The following ALPK1 variants were observed in gnomAD, a reference collection of about 807,000 sequenced individuals.
The protein encoded by ALPK1 is alpha kinase 1.
In ALPK1, 110 loss-of-function variants were observed where a neutral mutation model predicts 120.6. That is an observed-to-expected ratio of 0.91 (90% CI 0.78 to 1.07). The LOEUF (loss-of-function observed/expected upper bound fraction) is 1.07. Ranked by LOEUF, ALPK1 falls within the 50% of genes least tolerant of loss-of-function variation. The probability of loss-of-function intolerance (pLI) is 0.00; values close to 1 mark genes in which losing one functional copy is unlikely to be tolerated. For missense variants in ALPK1, 1,498 were observed against 1,483.9 expected, an observed-to-expected ratio of 1.01 and a Z score of -0.16; for synonymous variants, 582 against 560.3, an observed-to-expected ratio of 1.04 and a Z score of -0.55.
rs1235735721 is a variant in ALPK1 at position 112,381,581 on chromosome 4, T to G, written c.122-817T>G. ...AGTGTTAGGAGGGTCTTCTGGTGCA[T>G]GTACTGTACATCACATTCATGCTTC... On this transcript the variant is annotated intron_variant, in intron 3 of 15. Coordinates refer to ENST00000650871, the MANE Select transcript of ALPK1 (RefSeq NM_025144.4). Among the ~76,000 whole-genome samples, 31 of 152,244 alleles carry G rather than the reference T, an allele frequency of 2.0e-4. 1 individual carries two copies. Among genetic ancestry groups the G allele is most frequent in the Admixed American group, 2.0e-3 (31 of 15,284 alleles).
rs139982282 is a variant in ALPK1 at position 112,327,121 on chromosome 4, G to T, written c.-101+11269G>T. Among the ~76,000 whole-genome samples the T allele has an allele frequency of 2.7e-3, 417 of 152,326 alleles. 15 individuals are homozygous for T. The highest frequency in any genetic ancestry group is 0.025 in the Admixed American group (381 of 15,308). On this transcript the variant is annotated intron_variant, in intron 2 of 15. Coordinates refer to ENST00000650871, the MANE Select transcript of ALPK1 (RefSeq NM_025144.4). ...AGCCATAGACAGTCATTCTAGGTTT[G>T]AAATATAGAAAAATAAAATATTCAG...
chr4:112,355,051 T>G (rs971165337), intron 2 of ALPK1, among the ~76,000 whole-genome samples: 2 of 152,234 alleles, frequency 1.3e-5, no homozygotes, highest in African/African-American at 2.4e-5. Flanking sequence ...ACAAACAGAG[T>G]ATCTCCTCAT....
At chr4:112,391,330 A>T (rs564786272) in intron 4 of ALPK1, among the ~76,000 whole-genome samples, 2 of 152,352 alleles carry the variant, frequency 1.3e-5, no homozygotes, top group African/African-American at 4.8e-5. Flanking sequence ...TGTCAGTGTT[A>T]CAGCCAAACT....
At position 112,377,873 on chromosome 4, in the gene ALPK1, C is replaced by A; in HGVS notation, c.96C>A (p.Asp32Glu). 5 of 1,613,068 alleles carry A rather than the reference C, an allele frequency of 3.1e-6. No homozygotes were observed. The highest frequency in any genetic ancestry group is 4.2e-6 in the Non-Finnish European group (5 of 1,179,412). Residue 32 changes from aspartate (D) to glutamate (E), a missense_variant, in exon 3 of 16, where the codon GAC becomes GAA. By Grantham distance (45) the Asp-to-Glu change is conservative (BLOSUM62 2). Coordinates refer to ENST00000650871, the MANE Select transcript of ALPK1 (RefSeq NM_025144.4). ...AAGCGCCAGATGTGTCGGAAGAGGA[C>A]AAGAGCGAGGACCAGCGCTGCAGAG... The part of the protein sequence containing the change: ...LLEAPDVSEE[D>E]KSEDQRCRAL...
intron 4 of ALPK1, among the ~76,000 whole-genome samples, chr4:112,389,797 A>T (rs781408968): frequency 1.3e-5 from 2 of 152,188 alleles, no homozygotes. Context: ...CCTGCTCTCA[A>T]ATAAGGTCCC....
chr4:112,441,270 A>C lies in ALPK1; in HGVS notation c.*60A>C. On this transcript the variant is annotated 3_prime_UTR_variant, in exon 16 of 16. Transcript: ENST00000650871. ...AGGGCCGTGACACAGGTTCTGGCCA[A>C]TGATTTGCAAGAGGAATTGATCAGT... The C allele has an allele frequency of 8.9e-7, 1 of 1,124,592 alleles. No homozygotes were observed. The highest frequency in any genetic ancestry group is 1.4e-6 in the Non-Finnish European group (1 of 733,158). 69.7% of individuals were successfully genotyped at this position (1,124,592 alleles called of 1,614,324 possible).
At position 112,431,627 on chromosome 4, in the gene ALPK1, G is replaced by C. The variant is rs199763265; in HGVS notation, c.2080G>C (p.Ala694Pro). ...LAPGAGLLEG[A>P]PEGIQEVRNM... ...CCCTGGTGCAGGGCTTCTAGAAGGA[G>C]CTCCAGAAGGTATCCAGGAAGTCAG... The change falls in exon 11 of 16, where the codon GCT (alanine) becomes CCT (proline). Residue 694 changes from alanine to proline, a missense_variant. Coordinates refer to ENST00000650871, the MANE Select transcript of ALPK1 (RefSeq NM_025144.4). 162 of 1,614,168 alleles carry C rather than the reference G, an allele frequency of 1.0e-4. No individual in the cohort carries two copies. Among genetic ancestry groups the C allele is most frequent in the Non-Finnish European group, 1.3e-4 (155 of 1,180,032 alleles).
intron 3 of ALPK1, among the ~76,000 whole-genome samples, chr4:112,378,493 G>C (rs1459202273): frequency 6.6e-6 from 1 of 152,008 alleles, no homozygotes; most frequent in East Asian, 1.9e-4. Flanking sequence ...TATCAGATAA[G>C]TCATTGTTTG....
chr4:112,393,742 C>G (rs895105566), intron 4 of ALPK1, among the ~76,000 whole-genome samples: 52 of 152,160 alleles, frequency 3.4e-4, no homozygotes, highest in African/African-American at 1.2e-3. Context: ...AGGCTAAAGT[C>G]ATTAACTAAG....
chr4:112,366,696 G>T (rs1731170635), intron 2 of ALPK1, among the ~76,000 whole-genome samples: 1 of 152,014 alleles, frequency 6.6e-6, no homozygotes, highest in Non-Finnish European at 1.5e-5. Context: ...CCCACTCCTG[G>T]GTATCTACCC....
At chr4:112,433,299 C>T (rs564430897) in intron 11 of ALPK1, among the ~76,000 whole-genome samples, 1 of 152,298 alleles carries the variant, frequency 6.6e-6, no homozygotes, top group African/African-American at 2.4e-5. Flanking sequence ...GGTTCATTGA[C>T]AGCGCCTTTT....
chr4:112,375,342 G>C (rs886819884), intron 2 of ALPK1, among the ~76,000 whole-genome samples: 11 of 152,052 alleles, frequency 7.2e-5, no homozygotes, highest in Non-Finnish European at 1.3e-4. Flanking sequence ...ACCACACCCA[G>C]CTAATTTTTT....
intron 2 of ALPK1, among the ~76,000 whole-genome samples, chr4:112,318,781 G>A (rs1436634148): frequency 1.3e-5 from 2 of 152,242 alleles, no homozygotes; most frequent in Non-Finnish European, 2.9e-5. Context: ...ACCCACAGAA[G>A]TCACAGTCTA....
At chr4:112,433,127 C>G (rs1734647818) in intron 11 of ALPK1, among the ~76,000 whole-genome samples, 1 of 152,186 alleles carries the variant, frequency 6.6e-6, no homozygotes, top group Admixed American at 6.5e-5. Flanking sequence ...CACCTGTCTA[C>G]CTAAGCGGTT....
chr4:112,435,419 G>T, intron 12 of ALPK1, 118 bp downstream of exon 12: 1 of 875,256 alleles, frequency 1.1e-6, no homozygotes, highest in East Asian at 2.5e-5. Flanking sequence ...TATATTTCCA[G>T]ATTTCTACTC....
intron 4 of ALPK1, among the ~76,000 whole-genome samples, chr4:112,408,220 C>T (rs1474157044): frequency 6.6e-6 from 1 of 152,104 alleles, no homozygotes; most frequent in Non-Finnish European, 1.5e-5. Flanking sequence ...AGGTCCATAG[C>T]CATAAGCAGG....
chr4:112,305,657 A>G (rs1221451146), intron 1 of ALPK1, among the ~76,000 whole-genome samples: 1 of 152,050 alleles, frequency 6.6e-6, no homozygotes, highest in East Asian at 1.9e-4. Context: ...GGCTGAGACG[A>G]TGGGGTTTTC....
chr4:112,426,603 T>G, intron 8 of ALPK1, 60 bp downstream of exon 8: 10 of 1,327,944 alleles, frequency 7.5e-6, no homozygotes, highest in Non-Finnish European at 9.1e-6. Context: ...TGATTATCTC[T>G]TCATGACAGA....
chr4:112,339,138 C>G (rs1729751290), intron 2 of ALPK1, among the ~76,000 whole-genome samples: 2 of 152,086 alleles, frequency 1.3e-5, no homozygotes, highest in Non-Finnish European at 2.9e-5. Context: ...GAAGATGGAC[C>G]AAATAATGAA....
Sources: allele counts gnomAD v4.1 joint callset (sites outside exome capture counted in the v4.1 genomes callset), GRCh38; gene constraint gnomAD v4.1.1; transcripts MANE v1.5; gene names NCBI Gene and HGNC (gene_info 2026-07-23, HGNC 2026-07-21).